ZNF532: variants seen among roughly 807,000 people sequenced by gnomAD.
ZNF532 encodes the protein zinc finger protein 532.
Under a neutral mutation model 89.3 loss-of-function variants are expected in ZNF532, and 22 were observed. The observed-to-expected ratio is 0.25, with a 90% CI of 0.18 to 0.35. The LOEUF (loss-of-function observed/expected upper bound fraction) is 0.35, where lower values mean the gene tolerates loss of function less well. Ranked by LOEUF, ZNF532 falls within the 10% of genes least tolerant of loss-of-function variation. ZNF532 has a pLI of 1.00. For missense variants in ZNF532, 1,132 were observed against 1,643.4 expected (o/e 0.69, Z 5.38); for synonymous variants, 606 against 649.6 (o/e 0.93, Z 1.02).
At chr18:58,936,655 T>C (rs992030329) in intron 4 of ZNF532, among the ~76,000 whole-genome samples, 5 of 152,122 alleles carry the variant, frequency 3.3e-5, no homozygotes, top group African/African-American at 1.2e-4. Flanking sequence ...TAAGTGTAGA[T>C]TTTTTTCTCC....
intron 2 of ZNF532, among the ~76,000 whole-genome samples, chr18:58,914,661 C>T (rs1405636697): frequency 6.6e-6 from 1 of 152,142 alleles, no homozygotes; most frequent in African/African-American, 2.4e-5. Context: ...GCCTGGGTGA[C>T]AGAGCAAGAC....
intron 2 of ZNF532, among the ~76,000 whole-genome samples, chr18:58,890,585 C>T (rs1049977106): frequency 1.3e-5 from 2 of 148,940 alleles, no homozygotes; most frequent in Non-Finnish European, 3.0e-5. Context: ...CTTGCACTAA[C>T]TGCCGCCCAT....
At chr18:58,963,174 C>T (rs1029748085) in intron 7 of ZNF532, among the ~76,000 whole-genome samples, 1 of 152,184 alleles carries the variant, frequency 6.6e-6, no homozygotes, top group African/African-American at 2.4e-5. Flanking sequence ...GGATTTACAG[C>T]ATTAGTAAGT....
intron 7 of ZNF532, chr18:58,954,216 C>A: frequency 1.0e-6 from 1 of 989,886 alleles, no homozygotes; most frequent in African/African-American, 1.7e-5. Flanking sequence ...TTACATGATT[C>A]TTCCTTGAGT....
At chr18:58,940,958 A>ACACACACACACACACTCT (rs1209329621) in intron 5 of ZNF532, among the ~76,000 whole-genome samples, 1 of 131,706 alleles carries the variant, frequency 7.6e-6, no homozygotes, top group African/African-American at 2.8e-5. Flanking sequence ...ACACACACAC[A>ACACACACACACACACTCT]CTCTTTCTCT....
chr18:58,981,759 C>A, intron 9 of ZNF532, 142 bp downstream of exon 9: 1 of 1,064,278 alleles, frequency 9.4e-7, no homozygotes, highest in Non-Finnish European at 1.4e-6. Context: ...ATGCCCACCA[C>A]TTTGGGAGGC....
At chr18:58,912,013 G>T (rs2060311988) in intron 2 of ZNF532, among the ~76,000 whole-genome samples, 2 of 152,110 alleles carry the variant, frequency 1.3e-5, no homozygotes, top group Non-Finnish European at 2.9e-5. Context: ...CTCCTGATGT[G>T]CGAGGTGGGG....
chr18:58,914,851 AAGAG>A (rs2060495738), intron 2 of ZNF532, among the ~76,000 whole-genome samples: 2 of 152,220 alleles, frequency 1.3e-5, no homozygotes, highest in Non-Finnish European at 2.9e-5. Context: ...TATCTTTTAA[AAGAG>A]AGGACTGAGA....
chr18:58,911,586 G>T, intron 2 of ZNF532, among the ~76,000 whole-genome samples: 1 of 152,240 alleles, frequency 6.6e-6, no homozygotes, highest in South Asian at 2.1e-4. Flanking sequence ...TGAGTGTGGC[G>T]GTGCTTGTAA....
intron 5 of ZNF532, among the ~76,000 whole-genome samples, chr18:58,946,836 T>G (rs1168202765): frequency 6.6e-6 from 1 of 152,060 alleles, no homozygotes; most frequent in Non-Finnish European, 1.5e-5. Flanking sequence ...CCAATCCAGT[T>G]AAACTTATAA....
At position 58,888,696 on chromosome 18, in the gene ZNF532, A is replaced by ATTTT. The variant is rs1488516769; in HGVS notation, c.-18+23119_-18+23120insTTTT. On this transcript the variant is annotated intron_variant, in intron 2 of 9. Coordinates refer to ENST00000591808, the MANE Select transcript of ZNF532 (RefSeq NM_001375912.1). The stretch of plus-strand genomic sequence containing the variant: ...TGTCTCCAAGGAAGGCAAAAAAAAA[A>ATTTT]TTATATATATATATATATATATATA... Among the ~76,000 whole-genome samples, 319 of 57,534 alleles carry ATTTT rather than the reference A, an allele frequency of 5.5e-3. 10 individuals are homozygous for ATTTT. The highest frequency in any genetic ancestry group is 0.032 in the African/African-American group (296 of 9,148). The allele number at this position is 57,534 out of a possible 152,430, so 37.7% of individuals were successfully genotyped here.
intron 6 of ZNF532, among the ~76,000 whole-genome samples, chr18:58,950,426 C>T (rs894888027): frequency 4.0e-5 from 6 of 151,830 alleles, no homozygotes; most frequent in South Asian, 2.1e-4. Flanking sequence ...AAATATTATC[C>T]TGCATTTATA....
chr18:58,879,317 A>G (rs190975672), intron 2 of ZNF532, among the ~76,000 whole-genome samples: 13 of 152,382 alleles, frequency 8.5e-5, no homozygotes, highest in African/African-American at 2.6e-4. Flanking sequence ...TTAAATGAGT[A>G]GAGTCAATGA....
At chr18:58,917,029 A>G (rs572176362) in intron 2 of ZNF532, among the ~76,000 whole-genome samples, 112 of 152,276 alleles carry the variant, frequency 7.4e-4, no homozygotes, top group African/African-American at 2.6e-3. Flanking sequence ...TGGCTAGGTG[A>G]ATTCTTCCAC....
intron 6 of ZNF532, among the ~76,000 whole-genome samples, chr18:58,949,739 T>C (rs2063987596): frequency 2.0e-5 from 3 of 152,348 alleles, no homozygotes; most frequent in East Asian, 3.9e-4. Flanking sequence ...CCCTGAATTA[T>C]TCTAGTCTCA....
chr18:58,973,797 G>C (rs77783018), intron 7 of ZNF532, among the ~76,000 whole-genome samples: 5,780 of 152,230 alleles, frequency 0.038, 112 homozygotes, highest in East Asian at 0.059. Flanking sequence ...TGGAACACTA[G>C]TCAGCAGAGA....
At chr18:58,868,582 C>T (rs1259264836) in intron 2 of ZNF532, among the ~76,000 whole-genome samples, 1 of 152,188 alleles carries the variant, frequency 6.6e-6, no homozygotes, top group Admixed American at 6.5e-5. Context: ...AGATGCGTTT[C>T]AGATTCATCC....
intron 6 of ZNF532, among the ~76,000 whole-genome samples, chr18:58,949,394 C>T (rs569851684): frequency 6.6e-6 from 1 of 152,222 alleles, no homozygotes; most frequent in East Asian, 1.9e-4. Context: ...TTTAGTTTTG[C>T]TCTTTTAAAA....
intron 2 of ZNF532, among the ~76,000 whole-genome samples, chr18:58,906,584 G>A (rs1168108411): frequency 5.9e-5 from 9 of 152,084 alleles, no homozygotes; most frequent in African/African-American, 1.2e-4. Context: ...ATGCAGCTCC[G>A]GGCAGGTTGT....
Sources: allele counts gnomAD v4.1 joint callset (sites outside exome capture counted in the v4.1 genomes callset), GRCh38; gene constraint gnomAD v4.1.1; transcripts MANE v1.5; gene names NCBI Gene and HGNC (gene_info 2026-07-23, HGNC 2026-07-21).